The following ASS1 variants were observed in gnomAD, a reference collection of about 807,000 sequenced individuals.
ASS1 encodes the protein argininosuccinate synthase.
ASS1 carries 58 observed loss-of-function variants against 60.5 expected under a neutral mutation model. That is an observed-to-expected ratio of 0.96 (90% confidence interval 0.78 to 1.19). The LOEUF (loss-of-function observed/expected upper bound fraction) is 1.19. Ranked by LOEUF, ASS1 falls within the 50% of genes most tolerant of loss-of-function variation. The probability of loss-of-function intolerance (pLI) is 0.00; values close to 1 mark genes in which losing one functional copy is unlikely to be tolerated. For synonymous variants in ASS1, 200 were observed against 206.9 expected, an observed-to-expected ratio of 0.97 and a Z score of 0.29; for missense variants, 454 against 547.3, an observed-to-expected ratio of 0.83 and a Z score of 1.70.
chr9:130,497,248 G>C (rs1383311485), intron 13 of ASS1, among the ~76,000 whole-genome samples: 6 of 152,176 alleles, frequency 3.9e-5, no homozygotes, highest in Non-Finnish European at 8.8e-5. Flanking sequence ...AGAAAAGCAG[G>C]AGCATTTATT....
chr9:130,467,735 T>G (rs1471461614), intron 6 of ASS1, among the ~76,000 whole-genome samples: 2 of 152,200 alleles, frequency 1.3e-5, no homozygotes, highest in African/African-American at 4.8e-5. Context: ...TGGTGAGGTT[T>G]CTCCCCTGGT....
At chr9:130,483,326 C>T (rs993504640) in intron 11 of ASS1, among the ~76,000 whole-genome samples, 1 of 118,000 alleles carries the variant, frequency 8.5e-6, no homozygotes, top group Non-Finnish European at 1.6e-5. Flanking sequence ...AATTGAAATT[C>T]GTTAAGGGCT....
chr9:130,451,921 G>C (rs572085944), intron 1 of ASS1: 1 of 558,460 alleles, frequency 1.8e-6, no homozygotes, highest in Non-Finnish European at 3.4e-6. Flanking sequence ...CTCAGCCTCA[G>C]CCGCCTTCCC....
At position 130,456,338 on chromosome 9, in the gene ASS1, T is replaced by C. The variant is rs867781376; in HGVS notation, c.174+1965T>C. 2.6e-5 allele frequency among the ~76,000 whole-genome samples: 4 copies of C among 151,996 alleles called. No individual in the cohort carries two copies. In the South Asian group the frequency reaches 8.3e-4, roughly 32 times the overall value. On this transcript the variant is annotated intron_variant, in intron 3 of 14. Transcript: ENST00000352480. ...AAAATTAGCTGGGCGCGATGGTGGG[T>C]GCCTGTAATCCCAGATGCTCGGGAG...
At chr9:130,460,327 A>C (rs1264979064) in intron 4 of ASS1, among the ~76,000 whole-genome samples, 2 of 152,212 alleles carry the variant, frequency 1.3e-5, no homozygotes, top group African/African-American at 4.8e-5. Context: ...TCACCGGAGC[A>C]CTGGTTCAGC....
At chr9:130,480,637 C>T (rs144975062) in intron 11 of ASS1, among the ~76,000 whole-genome samples, 188 bp downstream of exon 11, 75 of 152,374 alleles carry the variant, frequency 4.9e-4, no homozygotes, top group African/African-American at 1.7e-3. Flanking sequence ...CCCTTTGCCC[C>T]TGACTTTCAG....
At chr9:130,458,914 G>T (rs2131874588) in intron 4 of ASS1, among the ~76,000 whole-genome samples, 1 of 152,362 alleles carries the variant, frequency 6.6e-6, no homozygotes, top group Admixed American at 6.5e-5. Flanking sequence ...GAGTCCCCCA[G>T]GGGACACGCA....
Position 130,501,027 on chromosome 9 carries a change from T to C in ASS1, c.*6T>C, listed in dbSNP as rs1232070603. On this transcript the variant is annotated 3_prime_UTR_variant, in exon 15 of 15. Coordinates refer to ENST00000352480, the MANE Select transcript of ASS1 (RefSeq NM_054012.4). ...GCAAGGTCACTGCCAAATAGACCCGTGTACAATGAGGAGCTGGGGCCTCCT... is the reference window on the plus strand; with the variant it reads ...GCAAGGTCACTGCCAAATAGACCCGCGTACAATGAGGAGCTGGGGCCTCCT... 1 of 1,612,214 alleles carries C rather than the reference T, an allele frequency of 6.2e-7. No individual in the cohort carries two copies. The highest frequency in any genetic ancestry group is 1.7e-5 in the Admixed American group (1 of 60,006).
intron 11 of ASS1, among the ~76,000 whole-genome samples, chr9:130,481,416 T>C (rs1306927151): frequency 1.3e-5 from 2 of 152,128 alleles, no homozygotes; most frequent in Non-Finnish European, 2.9e-5. Context: ...TTAGGGTTGA[T>C]TTGAAAAGAT....
chr9:130,453,330 G>A (rs1367771602), intron 2 of ASS1, among the ~76,000 whole-genome samples: 2 of 152,266 alleles, frequency 1.3e-5, no homozygotes, highest in Admixed American at 1.3e-4. Context: ...GTTTCCAGAG[G>A]AAGTGAGCCT....
chr9:130,454,377 C>A lies in ASS1; in HGVS notation c.174+4C>A, dbSNP rs368133957. On this transcript the variant is annotated splice_donor_region_variant and intron_variant, in intron 3 of 14. Coordinates refer to ENST00000352480, the MANE Select transcript of ASS1 (RefSeq NM_054012.4). ...ACTGAAGCTTGGGGCCAAAAAGGTACCAGGCGGGAGGCAGGGATTTGGGCT... is the reference window on the plus strand; with the variant it reads ...ACTGAAGCTTGGGGCCAAAAAGGTAACAGGCGGGAGGCAGGGATTTGGGCT... 345 of 1,613,390 alleles carry A rather than the reference C, an allele frequency of 2.1e-4. 1 individual carries two copies. The highest frequency in any genetic ancestry group is 2.6e-4 in the Non-Finnish European group (311 of 1,179,650).
rs184125013 is a variant in ASS1, at chr9:130,497,273, G to A, written c.1128-2232G>A. Among the ~76,000 whole-genome samples, 13 of 152,280 alleles carry A rather than the reference G, an allele frequency of 8.5e-5. No homozygotes were observed. The South Asian group carries it at 1.4e-3, about 17-fold the overall frequency. On this transcript the variant is annotated intron_variant, in intron 13 of 14. Coordinates refer to ENST00000352480, the MANE Select transcript of ASS1 (RefSeq NM_054012.4). ...GAGCATTTATTCTCACTGTGTCTCC[G>A]ACCATTTCCCTTTTCTTTTTGATTT...
At chr9:130,492,030 G>A (rs1028690692) in intron 12 of ASS1, among the ~76,000 whole-genome samples, 4 of 152,202 alleles carry the variant, frequency 2.6e-5, no homozygotes, top group African/African-American at 9.6e-5. Flanking sequence ...CATCTGAAGA[G>A]TGGGAATAAC....
intron 11 of ASS1, among the ~76,000 whole-genome samples, chr9:130,486,860 G>A (rs1349168954): frequency 1.3e-5 from 2 of 152,252 alleles, no homozygotes; most frequent in Non-Finnish European, 2.9e-5. Flanking sequence ...CGGAGCCATG[G>A]TGAGAACCAA....
In ASS1 at chr9:130,476,986, G is replaced by A. The variant is rs755341321; in HGVS notation, c.688+25G>A. On this transcript the variant is annotated intron_variant, in intron 9 of 14. Coordinates refer to ENST00000352480, the MANE Select transcript of ASS1 (RefSeq NM_054012.4). The surrounding 1 kb of genome is among the most constrained non-coding windows in gnomAD (Gnocchi z 4.9). ...GGTATGTGCCCACCTGTTGGGACTC[G>A]AAGGGGGTTGACTTTTGGGGCCCTG... 2.3e-5 allele frequency: 37 copies of A among 1,604,754 alleles called. No homozygotes were observed. Among genetic ancestry groups the A allele is most frequent in the African/African-American group, 8.0e-5 (6 of 74,664 alleles).
At chr9:130,469,114 C>T (rs561519431) in intron 6 of ASS1, among the ~76,000 whole-genome samples, 1 of 152,330 alleles carries the variant, frequency 6.6e-6, no homozygotes, top group Admixed American at 6.5e-5. Flanking sequence ...TGGCCGGCTG[C>T]TCTTCTTAGC....
chr9:130,444,759 G>C (rs567339064), upstream of ASS1, among the ~76,000 whole-genome samples: 18 of 151,980 alleles, frequency 1.2e-4, no homozygotes, highest in East Asian at 3.5e-3. The surrounding 1 kb of genome is among the most constrained non-coding windows in gnomAD (Gnocchi z 4.7). Flanking sequence ...CCCGGACCTG[G>C]TGGGAGGCGG....
chr9:130,493,237 C>T (rs1846493318), intron 12 of ASS1, among the ~76,000 whole-genome samples: 1 of 152,198 alleles, frequency 6.6e-6, no homozygotes, highest in Non-Finnish European at 1.5e-5. Flanking sequence ...CTTGGACAGG[C>T]TCTTTCCCTC....
Position 130,470,817 on chromosome 9 carries a change from C to T in ASS1, c.496-17C>T. 1.2e-6 allele frequency: 2 copies of T among 1,613,686 alleles called. No homozygotes were observed. The highest frequency in any genetic ancestry group is 1.7e-6 in the Non-Finnish European group (2 of 1,179,650). On this transcript the variant is annotated splice_polypyrimidine_tract_variant and intron_variant, in intron 6 of 14. Transcript: ENST00000352480. The surrounding 1 kb of genome is among the most constrained non-coding windows in gnomAD (Gnocchi z 4.3). ...TCCAGCCGCCTTACCTCCACCTGTGCTGTCTCTTTCCTGCAGCAACACGGG... is the reference window on the plus strand; with the variant it reads ...TCCAGCCGCCTTACCTCCACCTGTGTTGTCTCTTTCCTGCAGCAACACGGG...
Sources: gnomAD v4.1 joint callset for allele counts (sites outside exome capture counted in the v4.1 genomes callset) on GRCh38, gnomAD v4.1.1 for gene constraint, Gnocchi (gnomAD v3.1) non-coding constraint, MANE v1.5 for transcripts, NCBI Gene and HGNC (gene_info 2026-07-23, HGNC 2026-07-21) for gene names.